ACBD6: variants seen among roughly 807,000 people sequenced by gnomAD.
ACBD6 encodes acyl-CoA binding domain containing 6.
In ACBD6, 28 loss-of-function variants were observed where a neutral mutation model predicts 37.2. The ratio of observed to expected loss-of-function variants is 0.75; its 90% CI spans 0.56 to 1.03. The LOEUF (loss-of-function observed/expected upper bound fraction) is 1.03, where lower values mean the gene tolerates loss of function less well. ACBD6 is among the 50% of genes least tolerant of loss of function. ACBD6 has a pLI of 0.00. For missense variants in ACBD6, 340 were observed against 337.4 expected (o/e 1.01, Z -0.06); for synonymous variants, 113 against 126.8 (o/e 0.89, Z 0.73).
chr1:180,271,139 G>A, exon 14 of ACBD6: 1 of 575,912 alleles, frequency 1.7e-6, no homozygotes, highest in Non-Finnish European at 3.1e-6. Context: ...GAGGGTTGAG[G>A]CAGGGAGCTG....
At chr1:180,271,801 C>T (rs1648678711) in exon 14 of ACBD6, 1 of 1,612,360 alleles carries the variant, frequency 6.2e-7, no homozygotes, top group Non-Finnish European at 8.5e-7. Flanking sequence ...GTGGTGGACG[C>T]CCCCTGAGTA....
chr1:180,425,479 A>G (rs1440885161), intron 4 of ACBD6, among the ~76,000 whole-genome samples: 1 of 152,230 alleles, frequency 6.6e-6, no homozygotes, highest in Non-Finnish European at 1.5e-5. Flanking sequence ...CACTACCACC[A>G]GCCAAACAGA....
rs188679024 is a variant in ACBD6 at position 180,362,529 on chromosome 1, T to C, written c.663+34987A>G. Among the ~76,000 whole-genome samples the C allele has an allele frequency of 5.3e-5, 8 of 152,364 alleles. No individual in the cohort carries two copies. The East Asian group carries it at 1.3e-3, about 26-fold the overall frequency. Reference sequence around the variant, plus strand: ...TATGCTTTAATAATTAGAATTCATATTCAAGTGCTAGTATGTTCTTTTATG... The same window carrying C: ...TATGCTTTAATAATTAGAATTCATACTCAAGTGCTAGTATGTTCTTTTATG... On this transcript the variant is annotated intron_variant, in intron 6 of 7. Transcript: ENST00000367595.
intron 6 of ACBD6, among the ~76,000 whole-genome samples, chr1:180,328,165 G>A (rs968057916): frequency 6.6e-6 from 1 of 151,830 alleles, no homozygotes; most frequent in Non-Finnish European, 1.5e-5. Context: ...GTTTTTAACT[G>A]CTAAATACAT....
chr1:180,314,040 C>T (rs1221798611), intron 7 of ACBD6, among the ~76,000 whole-genome samples: 1 of 152,016 alleles, frequency 6.6e-6, no homozygotes, highest in Non-Finnish European at 1.5e-5. Flanking sequence ...TCAATTAGAT[C>T]AAGAAAATAT....
At chr1:180,314,017 A>G (rs919997450) in intron 7 of ACBD6, among the ~76,000 whole-genome samples, 3 of 152,216 alleles carry the variant, frequency 2.0e-5, no homozygotes, top group Non-Finnish European at 4.4e-5. Context: ...TAAAAAATCA[A>G]ATTTCTTTTT....
At chr1:180,414,723 A>G (rs1648002717) in intron 4 of ACBD6, among the ~76,000 whole-genome samples, 1 of 152,248 alleles carries the variant, frequency 6.6e-6, no homozygotes, top group East Asian at 1.9e-4. Context: ...CAGGGGAAAA[A>G]CAACTTGCTT....
chr1:180,278,903 G>A (rs533964903), intron 9 of ACBD6: 23 of 152,220 alleles, frequency 1.5e-4, no homozygotes, highest in Non-Finnish European at 2.2e-4. Flanking sequence ...AAGCTGGTGC[G>A]TTTGTTTGTA....
At chr1:180,350,642 C>T (rs1045989886) in intron 6 of ACBD6, among the ~76,000 whole-genome samples, 6 of 152,120 alleles carry the variant, frequency 3.9e-5, no homozygotes, top group Non-Finnish European at 7.4e-5. Flanking sequence ...ATAGTCTGCC[C>T]GAGCTGTTTC....
chr1:180,328,951 T>C (rs1192931635), intron 6 of ACBD6, among the ~76,000 whole-genome samples: 1 of 152,208 alleles, frequency 6.6e-6, no homozygotes, highest in Non-Finnish European at 1.5e-5. Flanking sequence ...GGCATCTTTA[T>C]GGAATGAGGG....
chr1:180,382,425 A>G (rs533565608), intron 6 of ACBD6, among the ~76,000 whole-genome samples: 1 of 152,256 alleles, frequency 6.6e-6, no homozygotes, highest in Non-Finnish European at 1.5e-5. Context: ...ATTATGAACA[A>G]TTACACAATA....
At chr1:180,301,959 T>C (rs1178943808) in intron 7 of ACBD6, among the ~76,000 whole-genome samples, 1 of 152,120 alleles carries the variant, frequency 6.6e-6, no homozygotes, top group African/African-American at 2.4e-5. Flanking sequence ...GTTTACACTT[T>C]TCTCAGCTTT....
At chr1:180,488,334 CACATA>C (rs1651357672) in intron 3 of ACBD6, among the ~76,000 whole-genome samples, 1 of 152,092 alleles carries the variant, frequency 6.6e-6, no homozygotes, top group Non-Finnish European at 1.5e-5. Flanking sequence ...TAAGATGAAA[CACATA>C]ACAGAAAACA....
chr1:180,354,511 T>C (rs1652546755), intron 6 of ACBD6, among the ~76,000 whole-genome samples: 1 of 152,222 alleles, frequency 6.6e-6, no homozygotes. Context: ...CAATTTTTAC[T>C]GTACACATTA....
intron 6 of ACBD6, among the ~76,000 whole-genome samples, chr1:180,364,736 C>CTTTTTT (rs10646954): frequency 5.0e-5 from 7 of 140,914 alleles, no homozygotes; most frequent in Non-Finnish European, 1.1e-4. Context: ...TCCTTTCTAT[C>CTTTTTT]TTTTTTTTTT....
intron 7 of ACBD6, among the ~76,000 whole-genome samples, chr1:180,304,203 G>A (rs1650252187): frequency 6.6e-6 from 1 of 150,742 alleles, no homozygotes; most frequent in Admixed American, 6.6e-5. Context: ...GCACAAGACA[G>A]GGATGCCCTC....
chr1:180,434,846 A>G, intron 3 of ACBD6: 1 of 744,984 alleles, frequency 1.3e-6, no homozygotes. Flanking sequence ...TCTGCCAGGG[A>G]TGTCTTCACC....
chr1:180,339,432 C>CA (rs1651885823), intron 6 of ACBD6, among the ~76,000 whole-genome samples: 1 of 152,016 alleles, frequency 6.6e-6, no homozygotes, highest in African/African-American at 2.4e-5. Context: ...ATTGCAAGGA[C>CA]AAAAAACCAA....
chr1:180,270,751 A>C (rs1648596465), exon 14 of ACBD6: 1 of 157,528 alleles, frequency 6.3e-6, no homozygotes, highest in African/African-American at 2.4e-5. Context: ...TGATCTTGCC[A>C]TTCCATCCCA....
Sources: allele counts gnomAD v4.1 joint callset (sites outside exome capture counted in the v4.1 genomes callset), GRCh38; gene constraint gnomAD v4.1.1; transcripts MANE v1.5; gene names NCBI Gene and HGNC (gene_info 2026-07-23, HGNC 2026-07-21).